RBM20: variants seen among roughly 807,000 people sequenced by gnomAD.
RBM20 encodes the protein RNA binding motif protein 20.
Under a neutral mutation model 110.1 loss-of-function variants are expected in RBM20, and 51 were observed. That is an observed-to-expected ratio of 0.46 (90% CI 0.37 to 0.59). RBM20 has a LOEUF of 0.59. Among genes scored for constraint, RBM20 ranks in the 20% least tolerant of loss-of-function variants. The pLI, the probability that RBM20 is intolerant of heterozygous loss-of-function variation, is 0.00. For synonymous variants in RBM20, 589 were observed against 618.2 expected, an observed-to-expected ratio of 0.95 and a Z score of 0.70; for missense variants, 1,512 against 1,574.9, an observed-to-expected ratio of 0.96 and a Z score of 0.68.
At chr10:110,782,290 A>T (rs1031798944) in intron 2 of RBM20, among the ~76,000 whole-genome samples, 6 of 152,124 alleles carry the variant, frequency 3.9e-5, no homozygotes, top group Non-Finnish European at 1.5e-5. Context: ...AAAAAAGCAG[A>T]ATTTTGGATC....
chr10:110,731,337 A>G (rs1366077615), intron 1 of RBM20, among the ~76,000 whole-genome samples: 1 of 152,220 alleles, frequency 6.6e-6, no homozygotes, highest in Non-Finnish European at 1.5e-5. Context: ...GAAACAAGGA[A>G]GATGGCAATT....
At chr10:110,749,785 C>A (rs1288363053) in intron 1 of RBM20, among the ~76,000 whole-genome samples, 1 of 151,874 alleles carries the variant, frequency 6.6e-6, no homozygotes, top group African/African-American at 2.4e-5. Context: ...TATCTTGAGA[C>A]AACTAGCTTT....
intron 1 of RBM20, among the ~76,000 whole-genome samples, chr10:110,709,711 C>T (rs1035025128): frequency 3.3e-5 from 5 of 151,720 alleles, no homozygotes; most frequent in African/African-American, 4.8e-5. Flanking sequence ...AGACTACAGG[C>T]GTGTGCCACC....
intron 3 of RBM20, 137 bp downstream of exon 3, chr10:110,783,564 A>C: frequency 1.6e-6 from 1 of 612,974 alleles, no homozygotes; most frequent in Non-Finnish European, 2.9e-6. Flanking sequence ...GCCCTCAAGG[A>C]GCTTGTGCTT....
intron 7 of RBM20, among the ~76,000 whole-genome samples, chr10:110,803,182 T>C (rs1844652188): frequency 2.6e-5 from 4 of 152,220 alleles, no homozygotes; most frequent in Admixed American, 2.0e-4. Flanking sequence ...TATTATTATC[T>C]CAGTTTTACA....
At chr10:110,706,792 C>T (rs976271963) in intron 1 of RBM20, among the ~76,000 whole-genome samples, 11 of 152,190 alleles carry the variant, frequency 7.2e-5, no homozygotes, top group African/African-American at 2.7e-4. Context: ...AAATCACTTT[C>T]CTTTTCTTTC....
intron 5 of RBM20, among the ~76,000 whole-genome samples, chr10:110,795,242 C>T (rs1353594345): frequency 6.6e-6 from 1 of 152,248 alleles, no homozygotes; most frequent in Non-Finnish European, 1.5e-5. Flanking sequence ...AAAGATTCTG[C>T]TTCTTAATAG....
At chr10:110,787,853 A>G (rs1488223888) in intron 5 of RBM20, among the ~76,000 whole-genome samples, 4 of 151,788 alleles carry the variant, frequency 2.6e-5, no homozygotes, top group South Asian at 4.2e-4. Context: ...TTTGGGAGCT[A>G]GGAGGGGACA....
chr10:110,728,960 C>A (rs1843592362), intron 1 of RBM20, among the ~76,000 whole-genome samples: 1 of 152,154 alleles, frequency 6.6e-6, no homozygotes, highest in Admixed American at 6.5e-5. Flanking sequence ...TGATCTTGGG[C>A]AGAATTTCTT....
intron 1 of RBM20, among the ~76,000 whole-genome samples, chr10:110,689,678 T>A (rs1862558022): frequency 6.6e-6 from 1 of 152,242 alleles, no homozygotes; most frequent in South Asian, 2.1e-4. Flanking sequence ...GAAAGCCTTG[T>A]TTCCGATGCT....
chr10:110,688,376 A>G (rs973432484), intron 1 of RBM20, among the ~76,000 whole-genome samples: 1 of 152,164 alleles, frequency 6.6e-6, no homozygotes, highest in East Asian at 1.9e-4. Flanking sequence ...CCTGGACTCT[A>G]CTGGGTTCAA....
chr10:110,783,389 G>A lies in RBM20; in HGVS notation c.1299G>A (p.Gly433=). 6.4e-7 allele frequency: 1 copy of A among 1,551,554 alleles called. No individual in the cohort carries two copies. Among genetic ancestry groups the A allele is most frequent in the African/African-American group, 1.4e-5 (1 of 73,154 alleles). The change falls in exon 3 of 14, where the codon GGG becomes GGA. Residue 433 remains glycine, a synonymous_variant. Coordinates refer to ENST00000369519, the MANE Select transcript of RBM20 (RefSeq NM_001134363.3). ...AGGACTGGGAGCTGCATGTGAAAGG[G>A]AAGCTGCACGCTCAGAAATGCCTGG... The part of the protein sequence containing the change: ...DLKDWELHVK[G]KLHAQKCLVF...
chr10:110,723,255 A>C (rs993759671), intron 1 of RBM20, among the ~76,000 whole-genome samples: 5 of 152,334 alleles, frequency 3.3e-5, no homozygotes, highest in Middle Eastern at 3.4e-3. Flanking sequence ...TTATATATTC[A>C]CAGAGCTGTA....
At chr10:110,822,626 C>T (rs1844929728) in intron 11 of RBM20, 1 of 373,208 alleles carries the variant, frequency 2.7e-6, no homozygotes, top group Non-Finnish European at 5.3e-6. Flanking sequence ...TTAAGATTCT[C>T]ACTGTGAAAA....
intron 5 of RBM20, among the ~76,000 whole-genome samples, chr10:110,790,078 C>T (rs1199310929): frequency 2.0e-5 from 3 of 152,198 alleles, no homozygotes; most frequent in African/African-American, 7.2e-5. Flanking sequence ...CTCGCCAAGA[C>T]CCTGCACATT....
chr10:110,714,022 A>G (rs1309531866), intron 1 of RBM20, among the ~76,000 whole-genome samples: 2 of 152,252 alleles, frequency 1.3e-5, no homozygotes, highest in African/African-American at 4.8e-5. Flanking sequence ...AAGCTTACCC[A>G]TCTCCTGTGA....
chr10:110,751,406 A>G (rs181261789), intron 1 of RBM20, among the ~76,000 whole-genome samples: 82 of 152,362 alleles, frequency 5.4e-4, no homozygotes, highest in African/African-American at 1.9e-3. Flanking sequence ...CCACTCTCCA[A>G]AAAGATACTT....
chr10:110,823,467 T>C lies in RBM20; in HGVS notation c.3317-13T>C. 2 of 1,477,546 alleles carry C rather than the reference T, an allele frequency of 1.4e-6. No individual in the cohort carries two copies. The highest frequency in any genetic ancestry group is 2.7e-5 in the South Asian group (2 of 74,848). 91.5% of individuals were successfully genotyped at this position (1,477,546 alleles called of 1,614,324 possible). The stretch of plus-strand genomic sequence containing the variant: ...TTTTTTTTTTTTTTTTTGCCTTGGT[T>C]CATGTTTTGCAGAAAACTCCAGGTA... On this transcript the variant is annotated splice_polypyrimidine_tract_variant and intron_variant, in intron 11 of 13. Transcript: ENST00000369519.
intron 1 of RBM20, among the ~76,000 whole-genome samples, chr10:110,713,109 G>A (rs1445687200): frequency 6.6e-6 from 1 of 152,166 alleles, no homozygotes; most frequent in African/African-American, 2.4e-5. Flanking sequence ...AGGGCTTTTA[G>A]TGTGAGAATC....
Sources: allele counts gnomAD v4.1 joint callset (sites outside exome capture counted in the v4.1 genomes callset), GRCh38; gene constraint gnomAD v4.1.1; transcripts MANE v1.5; gene names NCBI Gene and HGNC (gene_info 2026-07-23, HGNC 2026-07-21).